The following CGNL1 variants were observed in gnomAD, a reference collection of about 807,000 sequenced individuals.
The protein encoded by CGNL1 is cingulin-like protein 1.
A neutral mutation model predicts 141.2 loss-of-function variants in CGNL1; 132 were observed. The ratio of observed to expected loss-of-function variants is 0.93; its 90% confidence interval spans 0.81 to 1.08. CGNL1 has a LOEUF of 1.08. Among genes scored for constraint, CGNL1 ranks in the 50% least tolerant of loss-of-function variants. CGNL1 has a pLI of 0.00. For missense variants in CGNL1, 1,870 were observed against 1,588.6 expected (o/e 1.18, Z -3.01); for synonymous variants, 690 against 622.1 (o/e 1.11, Z -1.63).
intron 18 of CGNL1, among the ~76,000 whole-genome samples, chr15:57,546,929 A>T (rs1394645366): frequency 2.0e-5 from 3 of 152,188 alleles, no homozygotes; most frequent in Non-Finnish European, 4.4e-5. Flanking sequence ...AGGGCCTATC[A>T]GGTCACTGGC....
At chr15:57,507,212 G>GA (rs1465885615) in intron 8 of CGNL1, among the ~76,000 whole-genome samples, 18 of 152,300 alleles carry the variant, frequency 1.2e-4, no homozygotes, top group Non-Finnish European at 1.9e-4. Context: ...TTGTGTTTCG[G>GA]AAAAATCAAA....
At chr15:57,499,565 C>A (rs4774948) in intron 8 of CGNL1, among the ~76,000 whole-genome samples, 94,671 of 152,002 alleles carry the variant, frequency 0.62, 31,295 homozygotes, top group Non-Finnish European at 0.76. Flanking sequence ...TATGTAACTT[C>A]TCAGAGTCTT....
chr15:57,414,774 T>A (rs1435996502), intron 1 of CGNL1, among the ~76,000 whole-genome samples: 1 of 152,158 alleles, frequency 6.6e-6, no homozygotes, highest in Non-Finnish European at 1.5e-5. Context: ...GAGGTTAGGG[T>A]TAGGGGCTTC....
At chr15:57,498,122 T>A (rs938734549) in intron 8 of CGNL1, among the ~76,000 whole-genome samples, 1 of 152,112 alleles carries the variant, frequency 6.6e-6, no homozygotes, top group Non-Finnish European at 1.5e-5. Context: ...CCAAATAGAG[T>A]TAAGGCTCCC....
intron 1 of CGNL1, among the ~76,000 whole-genome samples, chr15:57,392,780 T>G (rs1425274517): frequency 6.6e-6 from 1 of 152,216 alleles, no homozygotes; most frequent in African/African-American, 2.4e-5. Context: ...AGTCTGTGGC[T>G]TGAATGGAGT....
intron 15 of CGNL1, among the ~76,000 whole-genome samples, 169 bp downstream of exon 15, chr15:57,543,948 T>C (rs2032710049): frequency 6.6e-6 from 1 of 152,190 alleles, no homozygotes; most frequent in Non-Finnish European, 1.5e-5. Context: ...ATATGAAATC[T>C]GCATGGAAGC....
At chr15:57,499,344 C>T (rs2063989705) in intron 8 of CGNL1, among the ~76,000 whole-genome samples, 1 of 141,184 alleles carries the variant, frequency 7.1e-6, no homozygotes, top group South Asian at 2.2e-4. Context: ...CTTCCAGGTT[C>T]AAGTGATTCT....
chr15:57,391,216 TTG>T (rs2062539087), intron 1 of CGNL1, among the ~76,000 whole-genome samples: 1 of 152,144 alleles, frequency 6.6e-6, no homozygotes, highest in Non-Finnish European at 1.5e-5. Context: ...CGGACTGGTG[TTG>T]TGTGTTATAG....
At chr15:57,531,621 G>T (rs748571381) in intron 13 of CGNL1, 69 bp from the exon 14 acceptor site, 9 of 970,696 alleles carry the variant, frequency 9.3e-6, no homozygotes, top group African/African-American at 1.6e-5. Context: ...GTTTCTCTGT[G>T]GGGGAGCCTT....
In CGNL1 at chr15:57,547,421, G is replaced by C; in HGVS notation, c.3840G>C (p.Gly1280=). The C allele has an allele frequency of 6.2e-7, 1 of 1,614,186 alleles. No individual in the cohort carries two copies. The highest frequency in any genetic ancestry group is 8.5e-7 in the Non-Finnish European group (1 of 1,180,026). The change falls in exon 19 of 19, where the codon GGG becomes GGC. Residue 1280 remains glycine (G), a synonymous_variant. Transcript: ENST00000281282. The part of the protein sequence containing the change: ...MDDDDDLSTD[G]GSLYEAPVSY... ...ACGACGATGACCTCAGCACGGATGG[G>C]GGAAGCCTCTATGAGGCGCCTGTGA...
intron 8 of CGNL1, among the ~76,000 whole-genome samples, chr15:57,492,032 G>A (rs1018460214): frequency 1.3e-5 from 2 of 152,190 alleles, no homozygotes; most frequent in South Asian, 4.1e-4. Flanking sequence ...GCTGGAAAAG[G>A]ACGTTAGGTA....
intron 8 of CGNL1, among the ~76,000 whole-genome samples, chr15:57,463,596 C>T (rs1293678281): frequency 1.3e-5 from 2 of 152,222 alleles, no homozygotes; most frequent in African/African-American, 4.8e-5. Flanking sequence ...CTGTTTGTTC[C>T]AGGTTGTTTT....
At chr15:57,456,726 G>C (rs2063383589) in intron 7 of CGNL1, among the ~76,000 whole-genome samples, 1 of 152,168 alleles carries the variant, frequency 6.6e-6, no homozygotes, top group South Asian at 2.1e-4. Flanking sequence ...AAGGGTGACA[G>C]GTCAACGTGA....
In CGNL1 at chr15:57,516,812, T is replaced by G. The variant is rs752042141; in HGVS notation, c.2436T>G (p.Thr812=). The G allele has an allele frequency of 1.1e-5, 17 of 1,614,058 alleles. No homozygotes were observed. Among genetic ancestry groups the G allele is most frequent in the African/African-American group, 1.3e-5 (1 of 74,932 alleles). Residue 812 remains threonine (T), a synonymous_variant, in exon 9 of 19, where the codon ACT becomes ACG. Coordinates refer to ENST00000281282, the MANE Select transcript of CGNL1 (RefSeq NM_032866.5). ...NVEVLASRSN[T]SEQDQAGTEM... The stretch of plus-strand genomic sequence containing the variant: ...AGGTCTTGGCGAGCAGGAGCAACAC[T>G]TCAGAGCAAGACCAGGCGGGGACTG...
intron 7 of CGNL1, among the ~76,000 whole-genome samples, chr15:57,454,814 T>G (rs1433489841): frequency 1.3e-5 from 2 of 152,186 alleles, no homozygotes; most frequent in Non-Finnish European, 2.9e-5. Context: ...TGGTGCTGTT[T>G]TCTCTCAGGG....
At chr15:57,405,774 C>T (rs1287121383) in intron 1 of CGNL1, among the ~76,000 whole-genome samples, 3 of 25,726 alleles carry the variant, frequency 1.2e-4, no homozygotes, top group East Asian at 1.1e-3. Context: ...CTTTCTTTCT[C>T]TTTCTTTCTT....
chr15:57,391,978 C>CCCA (rs1555429686), intron 1 of CGNL1, among the ~76,000 whole-genome samples: 1 of 151,314 alleles, frequency 6.6e-6, no homozygotes, highest in African/African-American at 2.4e-5. Flanking sequence ...TTCTTTCCCC[C>CCCA]CCCTCACCTG....
At chr15:57,481,413 A>G (rs564767652) in intron 8 of CGNL1, among the ~76,000 whole-genome samples, 5 of 152,270 alleles carry the variant, frequency 3.3e-5, no homozygotes, top group African/African-American at 9.6e-5. Flanking sequence ...CATTTCCAGG[A>G]TGGTATATAG....
chr15:57,525,719 T>A (rs1175700234), intron 12 of CGNL1, among the ~76,000 whole-genome samples: 1 of 152,144 alleles, frequency 6.6e-6, no homozygotes. Context: ...AAGTCACCCA[T>A]GAGTCAGTGC....
Sources: allele counts gnomAD v4.1 joint callset (sites outside exome capture counted in the v4.1 genomes callset), GRCh38; gene constraint gnomAD v4.1.1; transcripts MANE v1.5; gene names NCBI Gene and HGNC (gene_info 2026-07-23, HGNC 2026-07-21).